The following FADS3 variants were observed in gnomAD, a reference collection of about 807,000 sequenced individuals.
FADS3 encodes cytochrome b5-related protein.
Under a neutral mutation model 60.4 loss-of-function variants are expected in FADS3, and 30 were observed. That is an observed-to-expected ratio of 0.50 (90% CI 0.37 to 0.67). The LOEUF (loss-of-function observed/expected upper bound fraction) is 0.67, where lower values mean the gene tolerates loss of function less well. FADS3 is among the 30% of genes least tolerant of loss of function. The probability of loss-of-function intolerance (pLI) is 0.00; values close to 1 mark genes in which losing one functional copy is unlikely to be tolerated. For synonymous variants in FADS3, 234 were observed against 249.3 expected (o/e 0.94, Z 0.58); for missense variants, 432 against 598.3 (o/e 0.72, Z 2.90).
chr11:61,878,884 G>A, intron 3 of FADS3, 37 bp from the exon 4 acceptor site: 1 of 1,593,120 alleles, frequency 6.3e-7, no homozygotes, highest in Non-Finnish European at 8.6e-7. Flanking sequence ...TGTTGGGAAG[G>A]ACGGAGCCCG....
At chr11:61,879,582 G>GCTC in intron 2 of FADS3, 73 bp from the exon 3 acceptor site, 2 of 1,423,774 alleles carry the variant, frequency 1.4e-6, no homozygotes, top group Non-Finnish European at 1.9e-6. Context: ...AGCCCCAGCC[G>GCTC]CTCCTCCCAT....
At position 61,876,883 on chromosome 11, in the gene FADS3, G is replaced by T; in HGVS notation, c.966C>A (p.Leu322=). The T allele has an allele frequency of 6.2e-7, 1 of 1,610,464 alleles. No homozygotes were observed. The highest frequency in any genetic ancestry group is 8.5e-7 in the Non-Finnish European group (1 of 1,178,958). The change falls in exon 8 of 12, where the codon CTC becomes CTA. Residue 322 remains leucine, a synonymous_variant. Coordinates refer to ENST00000278829, the MANE Select transcript of FADS3 (RefSeq NM_021727.5). The surrounding 1 kb of genome is among the most constrained non-coding windows in gnomAD (Gnocchi z 5.7). ...TGCCATACCTGACAGCAACAAAGAA[G>T]AGCAGCACCCCAGGGACGCCGTAGA... ...LPFYGVPGVL[L]FFVAVRVLES...
At position 61,891,438 on chromosome 11, in the gene FADS3, C is replaced by G. The variant is rs1184769646; in HGVS notation, c.-57G>C. 4.8e-5 allele frequency: 60 copies of G among 1,252,114 alleles called. No homozygotes were observed. The East Asian group carries it at 1.0e-3, about 21-fold the overall frequency. 77.6% of individuals were successfully genotyped at this position (1,252,114 alleles called of 1,614,324 possible). ...GGTGGCCGAGGTCCGAGCAAGACCC[C>G]GAGGGAAGCGAAGAGCGCTCCCGGG... On this transcript the variant is annotated 5_prime_UTR_variant, in exon 1 of 12. Transcript: ENST00000278829.
At chr11:61,878,716 C>T (rs200649493) in intron 4 of FADS3, 30 bp downstream of exon 4, 1 of 1,612,378 alleles carries the variant, frequency 6.2e-7, no homozygotes, top group African/African-American at 1.3e-5. Context: ...CGCCACCCAG[C>T]ACCTGGCTGA....
At chr11:61,880,256 A>G in intron 1 of FADS3, 105 bp from the exon 2 acceptor site, 2 of 848,354 alleles carry the variant, frequency 2.4e-6, no homozygotes, top group Non-Finnish European at 3.8e-6. Context: ...GGCAGAGCAG[A>G]CGACAGGCGG....
chr11:61,890,783 C>T (rs1938477806), intron 1 of FADS3, among the ~76,000 whole-genome samples: 1 of 152,210 alleles, frequency 6.6e-6, no homozygotes, highest in Non-Finnish European at 1.5e-5. Flanking sequence ...TCCTTACCGG[C>T]CCCTGGGGAC....
At chr11:61,879,224 T>A in intron 3 of FADS3, 88 bp downstream of exon 3, 1 of 1,183,656 alleles carries the variant, frequency 8.4e-7, no homozygotes, top group Non-Finnish European at 1.2e-6. Flanking sequence ...CATTCATTCA[T>A]TTAGCAAATA....
At position 61,876,389 on chromosome 11, in the gene FADS3, G is replaced by A. The variant is rs963545559; in HGVS notation, c.1050C>T (p.His350=). The change falls in exon 9 of 12, where the codon CAC becomes CAT. Residue 350 remains histidine, a synonymous_variant. Transcript: ENST00000278829. This position sits in a 1 kb window ranked among gnomAD's most constrained non-coding sequence, Gnocchi z 5.7. The part of the protein sequence containing the change: ...QMNHIPKEIG[H]EKHRDWVSSQ... ...AGCTGACCCAGTCCCGGTGCTTCTCGTGGCCGATCTCCTTGGGGATGTGGT... is the reference window on the plus strand; with the variant it reads ...AGCTGACCCAGTCCCGGTGCTTCTCATGGCCGATCTCCTTGGGGATGTGGT... The A allele has an allele frequency of 9.3e-6, 15 of 1,613,256 alleles. No individual in the cohort carries two copies. The highest frequency in any genetic ancestry group is 1.3e-5 in the Non-Finnish European group (15 of 1,180,010).
In FADS3 at chr11:61,878,556, C is replaced by T. The variant is rs1459698997; in HGVS notation, c.703G>A (p.Val235Met). 14 of 1,614,194 alleles carry T rather than the reference C, an allele frequency of 8.7e-6. No homozygotes were observed. Among genetic ancestry groups the T allele is most frequent in the African/African-American group, 1.3e-5 (1 of 75,064 alleles). ...KPNIFHKDPD[V>M]TVAPVFLLGE... ...AGGAGGAAGACGGGCGCCACCGTCA[C>T]GTCTGGGTCTTTGTGGAAGATGTTG... The change falls in exon 5 of 12, where the codon GTG (valine) becomes ATG (methionine). Residue 235 changes from valine (V) to methionine (M), a missense_variant. Physicochemically the swap from Val to Met is conservative, Grantham distance 21. Transcript: ENST00000278829.
At chr11:61,888,967 C>G (rs1290449821) in intron 1 of FADS3, among the ~76,000 whole-genome samples, 1 of 152,216 alleles carries the variant, frequency 6.6e-6, no homozygotes, top group Non-Finnish European at 1.5e-5. Context: ...GCGATCTCGG[C>G]TCACCGGAAC....
chr11:61,892,182 G>C (rs138057885), upstream of FADS3: 2 of 152,672 alleles, frequency 1.3e-5, no homozygotes, highest in Non-Finnish European at 1.5e-5. Flanking sequence ...GAGGGCACTG[G>C]CGCGTGGAGG....
Position 61,879,396 on chromosome 11 carries a change from C to T in FADS3, c.438G>A (p.Glu146=), listed in dbSNP as rs775996251. The T allele has an allele frequency of 1.2e-5, 19 of 1,588,858 alleles. No homozygotes were observed. Among genetic ancestry groups the T allele is most frequent in the Non-Finnish European group, 1.6e-5 (19 of 1,168,550 alleles). Residue 146 remains glutamate, a synonymous_variant, in exon 3 of 12, where the codon GAG becomes GAA. Coordinates refer to ENST00000278829, the MANE Select transcript of FADS3 (RefSeq NM_021727.5). ...GGTAGATAAGGAGCCAGGCCAGCACCTCCATGGCCAGGATGTGGCCCAGTA... is the reference window on the plus strand; with the variant it reads ...GGTAGATAAGGAGCCAGGCCAGCACTTCCATGGCCAGGATGTGGCCCAGTA... ...AFLLGHILAM[E]VLAWLLIYLL... is the part of the protein sequence containing the mutation.
At chr11:61,883,632 G>A (rs935739806) in intron 1 of FADS3, among the ~76,000 whole-genome samples, 1 of 152,166 alleles carries the variant, frequency 6.6e-6, no homozygotes, top group African/African-American at 2.4e-5. Context: ...CTGTGGCTGC[G>A]GCCCCAGAAT....
chr11:61,876,118 C>T lies in FADS3; in HGVS notation c.1153G>A (p.Glu385Lys). Residue 385 changes from glutamate to lysine, a missense_variant, in exon 10 of 12, where the codon GAG (glutamate) becomes AAG (lysine). Around this residue, in one of 5 missense-constraint regions of FADS3, gnomAD observed 48 missense variants for 101.3 expected, o/e 0.47. Coordinates refer to ENST00000278829, the MANE Select transcript of FADS3 (RefSeq NM_021727.5). This position sits in a 1 kb window ranked among gnomAD's most constrained non-coding sequence, Gnocchi z 5.7. Reference sequence around the variant, plus strand: ...CCCAGCACCCACACTCACTGGTGCTCGATCTGGAAGTTGAGGTGCCCGCTG... The same window carrying T: ...CCCAGCACCCACACTCACTGGTGCTTGATCTGGAAGTTGAGGTGCCCGCTG... ...WFSGHLNFQI[E>K]HHLFPRMPRH... The T allele has an allele frequency of 6.8e-6, 11 of 1,610,046 alleles. No individual in the cohort carries two copies. Among genetic ancestry groups the T allele is most frequent in the Non-Finnish European group, 8.5e-6 (10 of 1,178,430 alleles).
At chr11:61,874,410 G>C (rs192317485) in intron 11 of FADS3, among the ~76,000 whole-genome samples, 52 of 152,316 alleles carry the variant, frequency 3.4e-4, no homozygotes, top group Admixed American at 5.9e-4. Context: ...CAAGTAAGGG[G>C]AACAGCGTGT....
Position 61,879,393 on chromosome 11 carries a change from C to A in FADS3, c.441G>T (p.Val147=). Residue 147 remains valine, a synonymous_variant, in exon 3 of 12, where the codon GTG becomes GTT. Transcript: ENST00000278829. ...GGAGGTAGATAAGGAGCCAGGCCAG[C>A]ACCTCCATGGCCAGGATGTGGCCCA... is the stretch of plus-strand genomic sequence containing the variant. ...FLLGHILAME[V]LAWLLIYLLG... 6.3e-7 allele frequency: 1 copy of A among 1,585,922 alleles called. No individual in the cohort carries two copies.
chr11:61,891,250 G>T lies in FADS3; in HGVS notation c.132C>A (p.Arg44=). The T allele has an allele frequency of 6.5e-7, 1 of 1,545,166 alleles. No homozygotes were observed. The part of the protein sequence containing the change: ...PGDKWLVIER[R]VYDISRWAQR... ...GTGCCCAGCGGCTGATGTCGTAGAC[G>T]CGGCGCTCGATGACCAGCCACTTGT... Residue 44 remains arginine (R), a synonymous_variant, in exon 1 of 12, where the codon CGC becomes CGA. Transcript: ENST00000278829.
At position 61,891,230 on chromosome 11, in the gene FADS3, C is replaced by T. The variant is rs1189919630; in HGVS notation, c.152G>A (p.Trp51Ter). The change falls in exon 1 of 12, where the codon TGG (tryptophan) becomes TAG (stop). Residue 51 changes from tryptophan (W) to a stop codon, truncating the protein, a stop_gained. Transcript: ENST00000278829. LOFTEE classifies it high-confidence loss of function. The stretch of plus-strand genomic sequence containing the variant: ...GCTGCCCCCTGGGTGCCGCTGTGCC[C>T]AGCGGCTGATGTCGTAGACGCGGCG... ...IERRVYDISRWAQRHPGGSRL... is the reference protein window; with the variant it reads ...IERRVYDISR The T allele has an allele frequency of 1.3e-6, 2 of 1,552,446 alleles. No homozygotes were observed. Among genetic ancestry groups the T allele is most frequent in the South Asian group, 2.4e-5 (2 of 84,558 alleles).
Position 61,877,024 on chromosome 11 carries a change from T to A in FADS3, c.886-61A>T. On this transcript the variant is annotated intron_variant, in intron 7 of 11. Transcript: ENST00000278829. This position sits in a 1 kb window ranked among gnomAD's most constrained non-coding sequence, Gnocchi z 4.7. ...CCAGGTGCCCGGAGGTCTGGAGGCC[T>A]GGTGGGTGGGAGGAGGACCTCAGGC... is the stretch of plus-strand genomic sequence containing the variant. 1 of 1,279,270 alleles carries A rather than the reference T, an allele frequency of 7.8e-7. No individual in the cohort carries two copies. Among genetic ancestry groups the A allele is most frequent in the East Asian group, 2.5e-5 (1 of 40,014 alleles). The allele number at this position is 1,279,270 out of a possible 1,614,324, so 79.2% of individuals were successfully genotyped here. A position where few individuals can be genotyped will look rare whatever the true frequency, so the allele number is the denominator to read the frequency against.
Sources: allele counts gnomAD v4.1 joint callset (sites outside exome capture counted in the v4.1 genomes callset), GRCh38; gene constraint gnomAD v4.1.1; regional missense constraint gnomAD v4.1.1; non-coding constraint Gnocchi (gnomAD v3.1); transcripts MANE v1.5; gene names NCBI Gene and HGNC (gene_info 2026-07-23, HGNC 2026-07-21).